ARG2: variants seen among roughly 807,000 people sequenced by gnomAD.
The protein encoded by ARG2 is arginase 2.
Under a neutral mutation model 39.4 loss-of-function variants are expected in ARG2, and 21 were observed. The observed-to-expected ratio is 0.53, with a 90% CI of 0.38 to 0.77. The LOEUF (loss-of-function observed/expected upper bound fraction) is 0.77, where lower values mean the gene tolerates loss of function less well. ARG2 is among the 30% of genes least tolerant of loss of function. The pLI, the probability that ARG2 is intolerant of heterozygous loss-of-function variation, is 0.00. For synonymous variants in ARG2, 150 were observed against 156.7 expected (o/e 0.96, Z 0.32); for missense variants, 378 against 426.2 (o/e 0.89, Z 1.00).
chr14:67,620,023 C>T lies in ARG2; in HGVS notation c.46C>T (p.His16Tyr). The change falls in exon 1 of 8, where the codon CAT (histidine) becomes TAT (tyrosine). Residue 16 changes from histidine to tyrosine, a missense_variant. Transcript: ENST00000261783. The stretch of plus-strand genomic sequence containing the variant: ...CTCGCGTCTCCTCCAGACGCGAGTG[C>T]ATTCCATCCTGAAGAAATCCGTCCA... ...SLSRLLQTRV[H>Y]SILKKSVHSV... 6.2e-7 allele frequency: 1 copy of T among 1,611,672 alleles called. No individual in the cohort carries two copies. Among genetic ancestry groups the T allele is most frequent in the Non-Finnish European group, 8.5e-7 (1 of 1,178,982 alleles).
chr14:67,620,773 T>C, intron 1 of ARG2, 121 bp from the exon 2 acceptor site: 1 of 895,966 alleles, frequency 1.1e-6, no homozygotes, highest in Non-Finnish European at 1.8e-6. Flanking sequence ...GGACAGTCAT[T>C]GATGGAAGGG....
chr14:67,642,293 G>C lies in ARG2; in HGVS notation c.292G>C (p.Glu98Gln), dbSNP rs1454355409. The C allele has an allele frequency of 1.2e-6, 2 of 1,614,136 alleles. No individual in the cohort carries two copies. Among genetic ancestry groups the C allele is most frequent in the Non-Finnish European group, 8.5e-7 (1 of 1,180,022 alleles). ...NPRSVGLANQ[E>Q]LAEVVSRAVS... ...ACGCTCAGTGGGTCTTGCCAACCAG[G>C]AACTGGCTGAGGTGGTTAGCAGAGC... Residue 98 changes from glutamate (E) to glutamine (Q), a missense_variant, in exon 3 of 8, where the codon GAA (glutamate) becomes CAA (glutamine). Glu to Gln is a conservative substitution (Grantham distance 29, BLOSUM62 2). Coordinates refer to ENST00000261783, the MANE Select transcript of ARG2 (RefSeq NM_001172.4).
chr14:67,637,410 C>CAAAAAAAAAAAAAAAAAAAAAAAAAAAAA (rs34746542), intron 2 of ARG2, among the ~76,000 whole-genome samples: 2 of 103,620 alleles, frequency 1.9e-5, no homozygotes, highest in Non-Finnish European at 1.8e-5. Flanking sequence ...GACTCTGTCT[C>CAAAAAAAAAAAAAAAAAAAAAAAAAAAAA]AAAAAAAAAA....
chr14:67,628,752 G>A (rs2036891707), intron 2 of ARG2, among the ~76,000 whole-genome samples: 1 of 152,194 alleles, frequency 6.6e-6, no homozygotes, highest in South Asian at 2.1e-4. Context: ...AAGATGTGGA[G>A]AAATTGAAAC....
chr14:67,625,105 A>G (rs2036849648), intron 2 of ARG2, among the ~76,000 whole-genome samples: 1 of 152,180 alleles, frequency 6.6e-6, no homozygotes, highest in Admixed American at 6.5e-5. Flanking sequence ...ACAAGTCAGT[A>G]AGGAAAGAAT....
intron 2 of ARG2, among the ~76,000 whole-genome samples, chr14:67,625,017 C>T (rs2036848490): frequency 6.6e-6 from 1 of 152,126 alleles, no homozygotes; most frequent in Non-Finnish European, 1.5e-5. Flanking sequence ...CATAGACCAT[C>T]CCCAGAAAAT....
chr14:67,631,271 A>C (rs149253284), intron 2 of ARG2, among the ~76,000 whole-genome samples: 7 of 152,248 alleles, frequency 4.6e-5, no homozygotes, highest in Admixed American at 3.9e-4. Context: ...ATTGCAATAA[A>C]CCTAGTATTG....
intron 2 of ARG2, among the ~76,000 whole-genome samples, chr14:67,623,511 A>G (rs913053941): frequency 8.5e-5 from 12 of 141,402 alleles, no homozygotes; most frequent in African/African-American, 3.1e-4. Flanking sequence ...TAGTAAGGAC[A>G]CTCAACAGTA....
intron 2 of ARG2, among the ~76,000 whole-genome samples, chr14:67,621,567 T>C (rs1191121986): frequency 6.6e-6 from 1 of 151,822 alleles, no homozygotes; most frequent in East Asian, 2.0e-4. Context: ...GCAATTCTCC[T>C]CCCAAGTAGC....
At position 67,625,970 on chromosome 14, in the gene ARG2, A is replaced by G. The variant is rs569911809; in HGVS notation, c.184+5004A>G. ...ACGGAAATGCAAATTTAAAACTACAATGGCCGGGTGTGGCGGCTTACACCT... is the reference window on the plus strand; with the variant it reads ...ACGGAAATGCAAATTTAAAACTACAGTGGCCGGGTGTGGCGGCTTACACCT... On this transcript the variant is annotated intron_variant, in intron 2 of 7. Transcript: ENST00000261783. 7.9e-5 allele frequency among the ~76,000 whole-genome samples: 12 copies of G among 152,046 alleles called. No homozygotes were observed. The South Asian group carries it at 2.3e-3, about 29-fold the overall frequency.
intron 2 of ARG2, among the ~76,000 whole-genome samples, chr14:67,621,593 G>A (rs1035296411): frequency 1.3e-5 from 2 of 151,660 alleles, no homozygotes; most frequent in Non-Finnish European, 2.9e-5. Context: ...TTACAGGTGC[G>A]TGCCACCACA....
chr14:67,634,157 A>T (rs1321272079), intron 2 of ARG2, among the ~76,000 whole-genome samples: 1 of 152,060 alleles, frequency 6.6e-6, no homozygotes, highest in Non-Finnish European at 1.5e-5. Context: ...TCACATCACA[A>T]CCCTTGATGA....
chr14:67,631,646 G>A (rs1172212713), intron 2 of ARG2, among the ~76,000 whole-genome samples: 1 of 151,948 alleles, frequency 6.6e-6, no homozygotes, highest in Non-Finnish European at 1.5e-5. Context: ...TGCCCAGGCT[G>A]GTGTTTAACT....
rs149005592 is a variant in ARG2 at position 67,650,435 on chromosome 14, C to T, written c.860-280C>T. The stretch of plus-strand genomic sequence containing the variant: ...CCCAACACCAAGCCTTTTCCTTTTC[C>T]AGAACGCCTGACAATTATGCCTGTT... On this transcript the variant is annotated intron_variant, in intron 7 of 7. Transcript: ENST00000261783. The T allele has an allele frequency of 8.3e-3, 3,409 of 408,616 alleles. 24 individuals carry two copies. The highest frequency in any genetic ancestry group is 0.011 in the Non-Finnish European group (2,559 of 224,828). 25.3% of individuals were successfully genotyped at this position (408,616 alleles called of 1,614,324 possible). A position where few individuals can be genotyped will look rare whatever the true frequency, so the allele number is the denominator to read the frequency against.
At chr14:67,641,973 A>G (rs1175214877) in intron 2 of ARG2, among the ~76,000 whole-genome samples, 1 of 152,326 alleles carries the variant, frequency 6.6e-6, no homozygotes, top group Middle Eastern at 3.4e-3. Context: ...GGGTTAAGTC[A>G]ATCGATATCT....
intron 2 of ARG2, among the ~76,000 whole-genome samples, chr14:67,640,497 C>T (rs1264750447): frequency 6.6e-6 from 1 of 152,136 alleles, no homozygotes; most frequent in African/African-American, 2.4e-5. Flanking sequence ...TATATTTCTT[C>T]AGAATTTTGG....
chr14:67,632,299 A>C (rs1325657622), intron 2 of ARG2, among the ~76,000 whole-genome samples: 9 of 152,210 alleles, frequency 5.9e-5, no homozygotes, highest in South Asian at 4.1e-4. Context: ...AAACATAATG[A>C]AAGTAGAGAT....
In ARG2 at chr14:67,650,510, T is replaced by TTAATC. The variant is rs1224620142; in HGVS notation, c.860-202_860-198dup. On this transcript the variant is annotated intron_variant, in intron 7 of 7. Transcript: ENST00000261783. Reference sequence around the variant, plus strand: ...ATTTCATTATCTTAAAAGGTTTCTTTTAATCTACTATAGCACAACAGTGTT... The same window carrying TTAATC: ...ATTTCATTATCTTAAAAGGTTTCTTTTAATCTAATCTACTATAGCACAACAGTGTT... The TTAATC allele has an allele frequency of 6.8e-6, 4 of 585,452 alleles. No homozygotes were observed. The African/African-American group carries it at 7.5e-5, about 11-fold the overall frequency. The allele number at this position is 585,452 out of a possible 1,614,324, so 36.3% of individuals were successfully genotyped here. A position where few individuals can be genotyped will look rare whatever the true frequency, so the allele number is the denominator to read the frequency against.
At chr14:67,627,950 T>C (rs1233474177) in intron 2 of ARG2, among the ~76,000 whole-genome samples, 1 of 152,232 alleles carries the variant, frequency 6.6e-6, no homozygotes, top group Non-Finnish European at 1.5e-5. Flanking sequence ...AAAGTCACTC[T>C]GATATGTATT....
Sources: allele counts gnomAD v4.1 joint callset (sites outside exome capture counted in the v4.1 genomes callset), GRCh38; gene constraint gnomAD v4.1.1; transcripts MANE v1.5; gene names NCBI Gene and HGNC (gene_info 2026-07-23, HGNC 2026-07-21).